The following STEAP1B variants were observed in gnomAD, a reference collection of about 807,000 sequenced individuals.
STEAP1B encodes the protein STEAP family member 1B.
STEAP1B carries 13 observed loss-of-function variants against 27.9 expected under a neutral mutation model. The observed-to-expected ratio is 0.47, with a 90% CI of 0.30 to 0.74. The LOEUF (loss-of-function observed/expected upper bound fraction) is 0.74. Ranked by LOEUF, STEAP1B falls within the 30% of genes least tolerant of loss-of-function variation. STEAP1B has a pLI of 0.06. For synonymous variants in STEAP1B, 86 were observed against 107.1 expected, an observed-to-expected ratio of 0.80 and a Z score of 1.22; for missense variants, 250 against 298.7, an observed-to-expected ratio of 0.84 and a Z score of 1.20.
rs560108801 is a variant in STEAP1B at position 22,468,168 on chromosome 7, T to C, written c.762+24397A>G. Among the ~76,000 whole-genome samples the C allele has an allele frequency of 6.0e-4, 92 of 152,256 alleles. 1 individual carries two copies. In the South Asian group the frequency reaches 7.9e-3, roughly 13 times the overall value. ...GAATATAGTATAAGTATGTTCAAAA[T>C]ATTATATATTTGGGATTATTTATAC... On this transcript the variant is annotated intron_variant, in intron 4 of 4. Transcript: ENST00000678116.
chr7:22,487,572 G>GGA (rs386409682), intron 4 of STEAP1B, among the ~76,000 whole-genome samples: 1 of 58,060 alleles, frequency 1.7e-5, no homozygotes, highest in East Asian at 7.2e-4. Context: ...TGGCGGGGGC[G>GGA]GGGGGGTGCA....
At chr7:22,439,911 A>G (rs1245309291) in intron 4 of STEAP1B, among the ~76,000 whole-genome samples, 1 of 152,210 alleles carries the variant, frequency 6.6e-6, no homozygotes, top group Admixed American at 6.5e-5. Context: ...CAATAACAAT[A>G]GAAACTTCAG....
At chr7:22,460,102 G>C (rs1785653058) in intron 4 of STEAP1B, among the ~76,000 whole-genome samples, 1 of 151,918 alleles carries the variant, frequency 6.6e-6, no homozygotes, top group African/African-American at 2.4e-5. Context: ...TTGAGCCCAG[G>C]AATTTGAAAC....
intron 4 of STEAP1B, among the ~76,000 whole-genome samples, chr7:22,484,577 T>C (rs2128414855): frequency 6.6e-6 from 1 of 152,362 alleles, no homozygotes; most frequent in East Asian, 1.9e-4. Flanking sequence ...TGTTTTGTTT[T>C]GTTTTTCACA....
intron 1 of STEAP1B, among the ~76,000 whole-genome samples, chr7:22,497,770 G>A (rs937900968): frequency 2.0e-5 from 3 of 152,210 alleles, no homozygotes. Flanking sequence ...TTGGCTCATG[G>A]TTCCATAGGC....
intron 4 of STEAP1B, among the ~76,000 whole-genome samples, chr7:22,456,479 G>A (rs1280804485): frequency 1.3e-5 from 2 of 152,146 alleles, no homozygotes; most frequent in Non-Finnish European, 2.9e-5. Context: ...ATAACCCCAA[G>A]GCTAGCCCAG....
chr7:22,435,939 T>G (rs116071317), intron 4 of STEAP1B, among the ~76,000 whole-genome samples: 224 of 152,312 alleles, frequency 1.5e-3, no homozygotes, highest in African/African-American at 5.2e-3. Flanking sequence ...TCTCTCAAGC[T>G]GAGCCACTGC....
At chr7:22,451,437 G>A (rs1022792855) in intron 4 of STEAP1B, among the ~76,000 whole-genome samples, 2 of 152,118 alleles carry the variant, frequency 1.3e-5, no homozygotes, top group Non-Finnish European at 2.9e-5. Context: ...CCAGTATGAC[G>A]TTGAATAACA....
chr7:22,487,804 C>CAAAAAAAAAA (rs200447382), intron 4 of STEAP1B, among the ~76,000 whole-genome samples: 3 of 81,358 alleles, frequency 3.7e-5, no homozygotes, highest in Non-Finnish European at 5.1e-5. Flanking sequence ...AAACTCCACC[C>CAAAAAAAAAA]AAAAAAAAAA....
At chr7:22,478,826 A>G (rs1182805359) in intron 4 of STEAP1B, among the ~76,000 whole-genome samples, 1 of 152,148 alleles carries the variant, frequency 6.6e-6, no homozygotes, top group Non-Finnish European at 1.5e-5. Flanking sequence ...TCTTTGCAGG[A>G]GGGAGGTCAG....
At chr7:22,481,130 G>C (rs1786063525) in intron 4 of STEAP1B, among the ~76,000 whole-genome samples, 1 of 152,206 alleles carries the variant, frequency 6.6e-6, no homozygotes, top group Non-Finnish European at 1.5e-5. Context: ...ACCTCAAGCT[G>C]GTGCAAGTAG....
chr7:22,474,475 G>A (rs1785938245), intron 4 of STEAP1B, among the ~76,000 whole-genome samples: 3 of 152,224 alleles, frequency 2.0e-5, no homozygotes, highest in Admixed American at 1.3e-4. Flanking sequence ...TAATTTCTAT[G>A]GGAAACCGGG....
chr7:22,469,184 T>C (rs1472140363), intron 4 of STEAP1B, among the ~76,000 whole-genome samples: 1 of 152,162 alleles, frequency 6.6e-6, no homozygotes, highest in Non-Finnish European at 1.5e-5. Context: ...CCTAGGCCTA[T>C]GTGTATGTTT....
At chr7:22,464,972 C>T (rs114848295) in intron 4 of STEAP1B, among the ~76,000 whole-genome samples, 1,557 of 11,842 alleles carry the variant, frequency 0.13, 147 homozygotes, top group South Asian at 0.44. Context: ...TATGTAGGCA[C>T]AATAAGAGAT....
At chr7:22,420,527 A>G (rs1382805575) in intron 4 of STEAP1B, among the ~76,000 whole-genome samples, 1 of 152,262 alleles carries the variant, frequency 6.6e-6, no homozygotes, top group Non-Finnish European at 1.5e-5. Context: ...TAATTACACC[A>G]GAGCAATTGG....
chr7:22,444,784 C>T (rs995429155), intron 4 of STEAP1B, among the ~76,000 whole-genome samples: 1 of 152,216 alleles, frequency 6.6e-6, no homozygotes, highest in African/African-American at 2.4e-5. Flanking sequence ...AATGATTTCA[C>T]CTTGGAGGTT....
In STEAP1B at chr7:22,421,150, A is replaced by G. The variant is rs531782772; in HGVS notation, c.763-1314T>C. 2.0e-5 allele frequency among the ~76,000 whole-genome samples: 3 copies of G among 152,374 alleles called. 1 individual carries two copies. The highest frequency in any genetic ancestry group is 4.8e-5 in the African/African-American group (2 of 41,598). ...CTTGCTTCATATTAATCTATTGAAC[A>G]CTGGCTGCATGCCAAGCTCTGTGCT... On this transcript the variant is annotated intron_variant, in intron 4 of 4. Transcript: ENST00000678116.
At chr7:22,474,487 A>G (rs1785938534) in intron 4 of STEAP1B, among the ~76,000 whole-genome samples, 2 of 152,250 alleles carry the variant, frequency 1.3e-5, no homozygotes, top group Non-Finnish European at 2.9e-5. Flanking sequence ...GAAACCGGGA[A>G]GAGCCAGCTT....
intron 4 of STEAP1B, among the ~76,000 whole-genome samples, chr7:22,455,796 C>T (rs536155244): frequency 1.4e-4 from 21 of 152,292 alleles, no homozygotes; most frequent in Non-Finnish European, 1.8e-4. Context: ...ATAAAATAAT[C>T]TTTTGGAATT....
Sources: allele counts gnomAD v4.1 joint callset (sites outside exome capture counted in the v4.1 genomes callset), GRCh38; gene constraint gnomAD v4.1.1; transcripts MANE v1.5; gene names NCBI Gene and HGNC (gene_info 2026-07-23, HGNC 2026-07-21).